UNC5C: variants seen among roughly 807,000 people sequenced by gnomAD.
The protein encoded by UNC5C is unc-5 netrin receptor C, also known as netrin receptor UNC5C.
A neutral mutation model predicts 99.8 loss-of-function variants in UNC5C; 47 were observed. That is an observed-to-expected ratio of 0.47 (90% CI 0.37 to 0.60). The LOEUF is 0.60. Ranked by LOEUF, UNC5C falls within the 20% of genes least tolerant of loss-of-function variation. The pLI is 0.00. For missense variants in UNC5C, 1,062 were observed against 1,165.9 expected, an observed-to-expected ratio of 0.91 and a Z score of 1.30; for synonymous variants, 487 against 452.2, an observed-to-expected ratio of 1.08 and a Z score of -0.98.
At chr4:95,459,952 T>C (rs770027466) in intron 1 of UNC5C, among the ~76,000 whole-genome samples, 2 of 152,210 alleles carry the variant, frequency 1.3e-5, no homozygotes, top group African/African-American at 2.4e-5. Flanking sequence ...TAAGCACTTA[T>C]GCATTATTTT....
rs555006901 is a variant in UNC5C at position 95,339,692 on chromosome 4, C to T, written c.125-4061G>A. 3.2e-4 allele frequency among the ~76,000 whole-genome samples: 49 copies of T among 152,106 alleles called. No homozygotes were observed. The East Asian group carries it at 9.1e-3, about 28-fold the overall frequency. ...ATTTCTGGCAACATGCCACAGGTATCCCAAATTATTACCTTTTCTATAAAT... is the reference window on the plus strand; with the variant it reads ...ATTTCTGGCAACATGCCACAGGTATTCCAAATTATTACCTTTTCTATAAAT... On this transcript the variant is annotated intron_variant, in intron 1 of 15. Transcript: ENST00000453304.
At chr4:95,281,834 C>A (rs1254819577) in intron 3 of UNC5C, among the ~76,000 whole-genome samples, 4 of 152,164 alleles carry the variant, frequency 2.6e-5, no homozygotes, top group East Asian at 1.9e-4. Context: ...AACCTCAACC[C>A]TTTTAATTTT....
intron 1 of UNC5C, among the ~76,000 whole-genome samples, chr4:95,544,790 C>T (rs1482353679): frequency 2.0e-5 from 3 of 152,214 alleles, no homozygotes; most frequent in Admixed American, 1.3e-4. Flanking sequence ...TAGGCTAAAA[C>T]TTCAAGGCAA....
At chr4:95,507,443 G>A (rs1444353912) in intron 1 of UNC5C, among the ~76,000 whole-genome samples, 2 of 152,096 alleles carry the variant, frequency 1.3e-5, no homozygotes, top group Non-Finnish European at 2.9e-5. Flanking sequence ...CTTTTTTACA[G>A]TGTTGCATGT....
intron 1 of UNC5C, among the ~76,000 whole-genome samples, chr4:95,358,551 A>G (rs2149433548): frequency 6.6e-6 from 1 of 152,278 alleles, no homozygotes; most frequent in Admixed American, 6.5e-5. Flanking sequence ...AATACTTGAC[A>G]CCAGGTCACA....
chr4:95,183,188 G>A, intron 13 of UNC5C, 127 bp from the exon 14 acceptor site: 1 of 896,684 alleles, frequency 1.1e-6, no homozygotes, highest in Non-Finnish European at 1.7e-6. Context: ...ACAGCCCTAT[G>A]TTTAAGTACA....
intron 2 of UNC5C, among the ~76,000 whole-genome samples, chr4:95,323,067 A>G (rs890938404): frequency 3.3e-5 from 5 of 152,206 alleles, no homozygotes; most frequent in Non-Finnish European, 7.3e-5. Flanking sequence ...AAATGAGGAC[A>G]TATTTACCTA....
In UNC5C at chr4:95,525,596, T is replaced by TAAAAAAAAAAAAAAAAAAA. The variant is rs574532435; in HGVS notation, c.124+23119_124+23137dup. ...ATAGCAGTGTGCAAAGCCTATTTCT[T>TAAAAAAAAAAAAAAAAAAA]AAAAAAAAAAAAAAAAAAAAAAGAC... On this transcript the variant is annotated intron_variant, in intron 1 of 15. Transcript: ENST00000453304. Among the ~76,000 whole-genome samples the TAAAAAAAAAAAAAAAAAAA allele has an allele frequency of 7.8e-5, 8 of 102,158 alleles. 1 individual carries two copies. The highest frequency in any genetic ancestry group is 2.0e-4 in the African/African-American group (5 of 25,298). 67.0% of individuals were successfully genotyped at this position (102,158 alleles called of 152,430 possible). A position where few individuals can be genotyped will look rare whatever the true frequency, so the allele number is the denominator to read the frequency against.
At chr4:95,380,472 G>T (rs1745038725) in intron 1 of UNC5C, among the ~76,000 whole-genome samples, 2 of 146,192 alleles carry the variant, frequency 1.4e-5, no homozygotes, top group Non-Finnish European at 1.5e-5. Context: ...GAGAGACTAG[G>T]TCTCACTGTG....
At chr4:95,273,748 A>G (rs1357732693) in intron 4 of UNC5C, among the ~76,000 whole-genome samples, 1 of 152,094 alleles carries the variant, frequency 6.6e-6, no homozygotes, top group Non-Finnish European at 1.5e-5. Context: ...TTGAAAATTT[A>G]TATATTATTA....
intron 7 of UNC5C, among the ~76,000 whole-genome samples, chr4:95,235,343 T>C (rs1450425704): frequency 6.6e-6 from 1 of 152,328 alleles, no homozygotes; most frequent in East Asian, 1.9e-4. Flanking sequence ...TGTTTTTTTC[T>C]TGTAAATTTG....
chr4:95,388,553 G>A (rs1209639925), intron 1 of UNC5C, among the ~76,000 whole-genome samples: 1 of 152,128 alleles, frequency 6.6e-6, no homozygotes, highest in Non-Finnish European at 1.5e-5. Context: ...CTTCACAATG[G>A]TCACGTACAG....
chr4:95,470,832 C>A (rs1417280371), intron 1 of UNC5C, among the ~76,000 whole-genome samples: 2 of 151,996 alleles, frequency 1.3e-5, no homozygotes, highest in African/African-American at 4.8e-5. Flanking sequence ...CTTAGCTAAG[C>A]AGAAATTACT....
chr4:95,190,895 T>C (rs1198960524), intron 12 of UNC5C, among the ~76,000 whole-genome samples: 2 of 152,152 alleles, frequency 1.3e-5, no homozygotes. Context: ...GAGGGATTGC[T>C]CCAAAGGCAG....
chr4:95,520,941 A>G (rs7434888), intron 1 of UNC5C, among the ~76,000 whole-genome samples: 113,178 of 151,982 alleles, frequency 0.74, 45,672 homozygotes, highest in Non-Finnish European at 0.89. Flanking sequence ...TGTTGTTCCT[A>G]TGTAGCCTGG....
chr4:95,171,237 TTTA>T (rs1239971018), intron 14 of UNC5C, among the ~76,000 whole-genome samples: 3 of 151,968 alleles, frequency 2.0e-5, no homozygotes, highest in African/African-American at 4.8e-5. Flanking sequence ...TTTTTATTTA[TTTA>T]TTATTATTAT....
At chr4:95,483,027 TA>T (rs1360852345) in intron 1 of UNC5C, among the ~76,000 whole-genome samples, 1,633 of 140,328 alleles carry the variant, frequency 0.012, 19 homozygotes, top group Non-Finnish European at 0.018. Flanking sequence ...ATAATAATAA[TA>T]ATAATAATAA....
intron 7 of UNC5C, chr4:95,222,275 GAA>G: frequency 5.2e-6 from 7 of 1,355,672 alleles, no homozygotes; most frequent in South Asian, 3.6e-5. Flanking sequence ...ACCTTGAAAA[GAA>G]AAAAAAATGA....
At chr4:95,176,552 C>T (rs1426050115) in intron 14 of UNC5C, among the ~76,000 whole-genome samples, 18 of 151,472 alleles carry the variant, frequency 1.2e-4, no homozygotes, top group African/African-American at 3.9e-4. Flanking sequence ...AGTTAGGCTG[C>T]TCAGGGGTAG....
Sources: allele counts gnomAD v4.1 joint callset (sites outside exome capture counted in the v4.1 genomes callset), GRCh38; gene constraint gnomAD v4.1.1; transcripts MANE v1.5; gene names NCBI Gene and HGNC (gene_info 2026-07-23, HGNC 2026-07-21).